The following SORBS2 variants were observed in gnomAD, a reference collection of about 807,000 sequenced individuals.
SORBS2 encodes sorbin and SH3 domain-containing protein 2.
A neutral mutation model predicts 97.7 loss-of-function variants in SORBS2; 46 were observed. The ratio of observed to expected loss-of-function variants is 0.47; its 90% CI spans 0.37 to 0.60. The LOEUF is 0.60. Among genes scored for constraint, SORBS2 ranks in the 20% least tolerant of loss-of-function variants. The pLI is 0.00. For synonymous variants in SORBS2, 476 were observed against 473.4 expected (o/e 1.01, Z -0.07); for missense variants, 1,316 against 1,282.3 (o/e 1.03, Z -0.40).
intron 4 of SORBS2, among the ~76,000 whole-genome samples, chr4:185,631,786 C>CA (rs113810595): frequency 6.6e-6 from 1 of 151,266 alleles, no homozygotes; most frequent in Non-Finnish European, 1.5e-5. Flanking sequence ...CAAAAAACAA[C>CA]AAAAAAACAA....
At chr4:185,635,808 G>C (rs950423343) in intron 4 of SORBS2, among the ~76,000 whole-genome samples, 1 of 151,958 alleles carries the variant, frequency 6.6e-6, no homozygotes, top group Non-Finnish European at 1.5e-5. Flanking sequence ...GATAACTTAG[G>C]CTCAGTACAG....
At chr4:185,637,058 T>C (rs1326814424) in intron 4 of SORBS2, among the ~76,000 whole-genome samples, 1 of 152,252 alleles carries the variant, frequency 6.6e-6, no homozygotes, top group Non-Finnish European at 1.5e-5. Context: ...CTAGCAAGTC[T>C]GGAAATTAAG....
chr4:185,644,090 A>G (rs1471097530), intron 4 of SORBS2, among the ~76,000 whole-genome samples: 1 of 152,180 alleles, frequency 6.6e-6, no homozygotes, highest in African/African-American at 2.4e-5. Flanking sequence ...CTACACTGGA[A>G]AGGCTGGCCA....
At position 185,654,261 on chromosome 4, in the gene SORBS2, G is replaced by C. The variant is rs539349469; in HGVS notation, c.25-1533C>G. Among the ~76,000 whole-genome samples the C allele has an allele frequency of 2.0e-5, 3 of 152,216 alleles. No individual in the cohort carries two copies. In the South Asian group the frequency reaches 6.2e-4, roughly 32 times the overall value. On this transcript the variant is annotated intron_variant, in intron 1 of 14. Coordinates refer to ENST00000418609, the Ensembl canonical transcript of SORBS2. Reference sequence around the variant, plus strand: ...GTGAAGCAAAGGTCTATTATTTGCTGGTTCAAAGTTGCTAAACATGTATCT... The same window carrying C: ...GTGAAGCAAAGGTCTATTATTTGCTCGTTCAAAGTTGCTAAACATGTATCT...
intron 1 of SORBS2, among the ~76,000 whole-genome samples, chr4:185,840,004 AAAG>A (rs2099210520): frequency 5.2e-5 from 1 of 19,200 alleles, no homozygotes; most frequent in East Asian, 0.1. Flanking sequence ...CCTGTGGAAG[AAAG>A]AAGTGGAAAG....
At chr4:185,813,610 TC>T (rs1467781969) in intron 1 of SORBS2, among the ~76,000 whole-genome samples, 1 of 152,216 alleles carries the variant, frequency 6.6e-6, no homozygotes, top group Non-Finnish European at 1.5e-5. Context: ...CGTTTCAGAA[TC>T]CTGCATTACA....
chr4:185,635,727 C>A (rs892951086), intron 4 of SORBS2, among the ~76,000 whole-genome samples: 3 of 152,172 alleles, frequency 2.0e-5, no homozygotes, highest in African/African-American at 7.2e-5. Context: ...ATTAAAGAAA[C>A]ATTAAAGGAG....
At chr4:185,886,867 G>A (rs2099239931) in intron 1 of SORBS2, among the ~76,000 whole-genome samples, 1 of 152,188 alleles carries the variant, frequency 6.6e-6, no homozygotes, top group Non-Finnish European at 1.5e-5. Context: ...GCTTTGAAGC[G>A]ATTTGTTTGG....
chr4:185,918,803 G>C (rs1455534558), intron 1 of SORBS2, among the ~76,000 whole-genome samples: 1 of 152,190 alleles, frequency 6.6e-6, no homozygotes, highest in Non-Finnish European at 1.5e-5. Flanking sequence ...TCTGTGCTGA[G>C]AGCCTAATGA....
At chr4:185,913,482 T>A (rs1287520153) in intron 1 of SORBS2, among the ~76,000 whole-genome samples, 1 of 152,206 alleles carries the variant, frequency 6.6e-6, no homozygotes, top group Non-Finnish European at 1.5e-5. Context: ...TCTAAACCAA[T>A]ACAATCAAAT....
intron 1 of SORBS2, among the ~76,000 whole-genome samples, chr4:185,851,734 T>C (rs904115592): frequency 7.9e-5 from 12 of 152,134 alleles, no homozygotes; most frequent in African/African-American, 2.7e-4. Flanking sequence ...GGCAGAGGAA[T>C]GTGAAAAGAC....
At chr4:185,616,655 C>A (rs1487678423) in intron 9 of SORBS2, among the ~76,000 whole-genome samples, 1 of 152,174 alleles carries the variant, frequency 6.6e-6, no homozygotes. Context: ...GTCCTTAAGA[C>A]ACAGGAAAGT....
chr4:185,608,992 A>G lies in SORBS2; in HGVS notation c.2796+2788T>C, dbSNP rs150128563. The stretch of plus-strand genomic sequence containing the variant: ...TAGGAGTGGGGTATTAATTAGATTT[A>G]TTTAGCTTTTTTTTTTTAAGTCATC... On this transcript the variant is annotated intron_variant, in intron 12 of 14. Coordinates refer to ENST00000418609, the Ensembl canonical transcript of SORBS2. Among the ~76,000 whole-genome samples, 543 of 120,402 alleles carry G rather than the reference A, an allele frequency of 4.5e-3. 5 individuals are homozygous for G. In the Middle Eastern group the frequency reaches 0.062, roughly 14 times the overall value. The allele number at this position is 120,402 out of a possible 152,430, so 79.0% of individuals were successfully genotyped here. A position where few individuals can be genotyped will look rare whatever the true frequency, so the allele number is the denominator to read the frequency against.
chr4:185,914,264 C>T (rs530819262), intron 1 of SORBS2, among the ~76,000 whole-genome samples: 2 of 152,040 alleles, frequency 1.3e-5, no homozygotes, highest in East Asian at 3.9e-4. Flanking sequence ...TATATTTTCT[C>T]TCCTTTCAAG....
intron 4 of SORBS2, among the ~76,000 whole-genome samples, chr4:185,670,168 G>A (rs553397494): frequency 5.8e-4 from 88 of 151,394 alleles, no homozygotes; most frequent in Non-Finnish European, 8.6e-4. Flanking sequence ...GCAGTGGGCC[G>A]AGATCACACC....
intron 1 of SORBS2, among the ~76,000 whole-genome samples, chr4:185,937,162 C>A (rs2099269331): frequency 6.7e-6 from 1 of 150,064 alleles, no homozygotes; most frequent in African/African-American, 2.5e-5. Context: ...TCATCTCGTG[C>A]TTCTGCCAGT....
intron 2 of SORBS2, among the ~76,000 whole-genome samples, chr4:185,703,296 T>A (rs1331562291): frequency 2.0e-5 from 3 of 152,198 alleles, no homozygotes; most frequent in Non-Finnish European, 4.4e-5. Context: ...AAAGCTTTTT[T>A]CATGAGTAGT....
chr4:185,706,895 G>A (rs1002063998), intron 2 of SORBS2, among the ~76,000 whole-genome samples: 1 of 152,196 alleles, frequency 6.6e-6, no homozygotes, highest in Non-Finnish European at 1.5e-5. Context: ...ACCACATTTT[G>A]TACATCCACT....
intron 1 of SORBS2, among the ~76,000 whole-genome samples, chr4:185,947,873 A>G (rs1021820888): frequency 6.6e-6 from 1 of 152,210 alleles, no homozygotes; most frequent in African/African-American, 2.4e-5. Flanking sequence ...AGCCTCTCAA[A>G]GTGCTGGGAT....
Sources: allele counts gnomAD v4.1 joint callset (sites outside exome capture counted in the v4.1 genomes callset), GRCh38; gene constraint gnomAD v4.1.1; transcripts MANE v1.5; gene names NCBI Gene and HGNC (gene_info 2026-07-23, HGNC 2026-07-21).